Variants in DENR observed in about 807,000 individuals in gnomAD.
The protein encoded by DENR is density-regulated protein.
A neutral mutation model predicts 30.6 loss-of-function variants in DENR; 6 were observed. The observed-to-expected ratio is 0.20, with a 90% CI of 0.11 to 0.39. The LOEUF (loss-of-function observed/expected upper bound fraction) is 0.39. Among genes scored for constraint, DENR ranks in the 10% least tolerant of loss-of-function variants. The pLI is 1.00. For synonymous variants in DENR, 78 were observed against 72.1 expected, an observed-to-expected ratio of 1.08 and a Z score of -0.41; for missense variants, 141 against 230.9, an observed-to-expected ratio of 0.61 and a Z score of 2.52.
intron 4 of DENR, chr12:122,763,299 T>A (rs905152073): frequency 6.3e-6 from 1 of 159,820 alleles, no homozygotes; most frequent in African/African-American, 2.5e-5. Context: ...CTCAGGAGGG[T>A]GAGGCAGGAG....
Position 122,769,189 on chromosome 12 carries a change from C to A in DENR, c.*111C>A. ...ATACACATATATATGTATATATACA[C>A]ATATATGTATGTATACACATATACA... On this transcript the variant is annotated 3_prime_UTR_variant, in exon 8 of 8. Coordinates refer to ENST00000280557, the MANE Select transcript of DENR (RefSeq NM_003677.5). The A allele has an allele frequency of 2.1e-6, 2 of 954,440 alleles. No homozygotes were observed. Among genetic ancestry groups the A allele is most frequent in the East Asian group, 4.0e-5 (1 of 25,046 alleles). 59.1% of individuals were successfully genotyped at this position (954,440 alleles called of 1,614,324 possible).
At chr12:122,767,298 G>A (rs969029804) in intron 5 of DENR, among the ~76,000 whole-genome samples, 190 bp from the exon 6 acceptor site, 3 of 152,068 alleles carry the variant, frequency 2.0e-5, no homozygotes, top group Non-Finnish European at 4.4e-5. Context: ...TTGTATCCTC[G>A]GCTCTTAGCC....
chr12:122,769,410 A>G lies in DENR; in HGVS notation c.*332A>G. On this transcript the variant is annotated 3_prime_UTR_variant, in exon 8 of 8. Transcript: ENST00000280557. The stretch of plus-strand genomic sequence containing the variant: ...CAAGGCTGCTTGTTTTTTTATTGCC[A>G]AAGTCAAATAAACGGGAGACTGTCA... 2 of 987,312 alleles carry G rather than the reference A, an allele frequency of 2.0e-6. No individual in the cohort carries two copies. The highest frequency in any genetic ancestry group is 2.4e-6 in the Non-Finnish European group (2 of 831,174). 61.2% of individuals were successfully genotyped at this position (987,312 alleles called of 1,614,324 possible).
intron 2 of DENR, among the ~76,000 whole-genome samples, chr12:122,759,631 G>A (rs1051037366): frequency 3.9e-5 from 6 of 152,160 alleles, no homozygotes; most frequent in African/African-American, 1.4e-4. Context: ...TGAGCTACGA[G>A]AATCACTTGG....
intron 4 of DENR, among the ~76,000 whole-genome samples, chr12:122,764,956 C>G (rs1415327934): frequency 6.6e-6 from 1 of 152,206 alleles, no homozygotes. Context: ...AGGATCATGT[C>G]TGAGCGGGTG....
At chr12:122,763,647 G>T (rs1411876396) in intron 4 of DENR, among the ~76,000 whole-genome samples, 1 of 152,168 alleles carries the variant, frequency 6.6e-6, no homozygotes, top group Non-Finnish European at 1.5e-5. Flanking sequence ...GTTGCAGTGA[G>T]CCGAGATGGC....
chr12:122,762,068 C>T (rs757845323), intron 2 of DENR, 119 bp from the exon 3 acceptor site: 2 of 651,864 alleles, frequency 3.1e-6, no homozygotes, highest in East Asian at 3.2e-5. Context: ...GTATAGAAAA[C>T]TTATAGGGAA....
intron 2 of DENR, among the ~76,000 whole-genome samples, chr12:122,759,233 G>A (rs1043858332): frequency 2.0e-5 from 3 of 152,196 alleles, no homozygotes; most frequent in Non-Finnish European, 4.4e-5. Context: ...TGCATCAAGA[G>A]CTCATAATGT....
intron 2 of DENR, among the ~76,000 whole-genome samples, chr12:122,756,827 C>T (rs1422353059): frequency 1.3e-5 from 2 of 152,244 alleles, no homozygotes; most frequent in East Asian, 3.9e-4. Context: ...AGTGAAGTTA[C>T]ATGAAGATGA....
intron 2 of DENR, among the ~76,000 whole-genome samples, chr12:122,757,813 T>C (rs959838332): frequency 1.3e-5 from 2 of 152,214 alleles, no homozygotes; most frequent in African/African-American, 4.8e-5. Flanking sequence ...AATAACTGTT[T>C]GGAAGGAAGG....
In DENR at chr12:122,762,237, T is replaced by C. The variant is rs773674252; in HGVS notation, c.126+31T>C. On this transcript the variant is annotated intron_variant, in intron 3 of 7. Coordinates refer to ENST00000280557, the MANE Select transcript of DENR (RefSeq NM_003677.5). ...TTCTTTAATTTTTTTTTTTACCTTA[T>C]GTATTTGAAGTTATTCTTGGTTTTA... is the stretch of plus-strand genomic sequence containing the variant. The C allele has an allele frequency of 4.4e-6, 6 of 1,350,438 alleles. No homozygotes were observed. In the African/African-American group the frequency reaches 5.9e-5, roughly 13 times the overall value. 83.7% of individuals were successfully genotyped at this position (1,350,438 alleles called of 1,614,324 possible).
At chr12:122,768,683 G>C (rs1261916211) in intron 6 of DENR, 99 bp from the exon 7 acceptor site, 1 of 1,116,906 alleles carries the variant, frequency 9.0e-7, no homozygotes, top group African/African-American at 1.6e-5. Flanking sequence ...TTAACAATCT[G>C]TTTTATGATT....
At chr12:122,763,106 TA>T in intron 4 of DENR, 177 bp downstream of exon 4, 1 of 526,846 alleles carries the variant, frequency 1.9e-6, no homozygotes, top group Non-Finnish European at 3.3e-6. Context: ...CTTTCTTACA[TA>T]AAAAAGTAAA....
intron 2 of DENR, among the ~76,000 whole-genome samples, chr12:122,760,437 C>A (rs2656812): frequency 0.93 from 142,109 of 152,220 alleles, 66,488 homozygotes; most frequent in East Asian, 0.99. Flanking sequence ...AAACCTTAAA[C>A]ATAAAAACAA....
chr12:122,757,718 A>G (rs1878586068), intron 2 of DENR, among the ~76,000 whole-genome samples: 1 of 152,206 alleles, frequency 6.6e-6, no homozygotes, highest in African/African-American at 2.4e-5. Flanking sequence ...ATGGGCTGGT[A>G]GGAGTTGAGT....
intron 2 of DENR, among the ~76,000 whole-genome samples, chr12:122,757,287 T>C (rs901097536): frequency 6.6e-6 from 1 of 152,236 alleles, no homozygotes; most frequent in Non-Finnish European, 1.5e-5. Flanking sequence ...TTTAAGCATC[T>C]GCTCTGTGGC....
At chr12:122,767,710 G>T in intron 6 of DENR, 106 bp downstream of exon 6, 1 of 547,890 alleles carries the variant, frequency 1.8e-6, no homozygotes, top group Non-Finnish European at 2.9e-6. Context: ...AAACTTCACA[G>T]GTCTGTTTTT....
rs371824659 is a variant in DENR, at chr12:122,753,777, G to C, written c.76G>C (p.Asp26His). ...DPRNSAKLDA[D>H]YPLRVLYCGV... The stretch of plus-strand genomic sequence containing the variant: ...AAGGAACAGTGCCAAGTTAGATGCC[G>C]ATTACCCACTTCGAGTCCTTTATTG... Residue 26 changes from aspartate (D) to histidine (H), a missense_variant, in exon 2 of 8, where the codon GAT becomes CAT. Coordinates refer to ENST00000280557, the MANE Select transcript of DENR (RefSeq NM_003677.5). The C allele has an allele frequency of 1.9e-6, 3 of 1,613,804 alleles. No individual in the cohort carries two copies. In the African/African-American group the frequency reaches 4.0e-5, roughly 22 times the overall value.
At chr12:122,759,247 A>G (rs1878634130) in intron 2 of DENR, among the ~76,000 whole-genome samples, 1 of 152,210 alleles carries the variant, frequency 6.6e-6, no homozygotes, top group Admixed American at 6.5e-5. Context: ...ATAATGTCAG[A>G]TGTTTCACTA....
Sources: gnomAD v4.1 joint callset for allele counts (sites outside exome capture counted in the v4.1 genomes callset) on GRCh38, gnomAD v4.1.1 for gene constraint, MANE v1.5 for transcripts, NCBI Gene and HGNC (gene_info 2026-07-23, HGNC 2026-07-21) for gene names.